SP140: variants seen among roughly 807,000 people sequenced by gnomAD.
SP140 encodes nuclear body protein SP140.
In SP140, 81 loss-of-function variants were observed where a neutral mutation model predicts 125.0. That is an observed-to-expected ratio of 0.65 (90% CI 0.54 to 0.78). SP140 has a LOEUF of 0.78. Ranked by LOEUF, SP140 falls within the 30% of genes least tolerant of loss-of-function variation. The pLI is 0.00. For missense variants in SP140, 858 were observed against 1,037.0 expected (o/e 0.83, Z 2.37); for synonymous variants, 312 against 354.0 (o/e 0.88, Z 1.33).
At chr2:230,232,128 T>C (rs1387376002) in intron 1 of SP140, among the ~76,000 whole-genome samples, 1 of 152,232 alleles carries the variant, frequency 6.6e-6, no homozygotes, top group Non-Finnish European at 1.5e-5. Flanking sequence ...TCATGGAGAA[T>C]GCTTTGGCTT....
At chr2:230,293,523 A>T (rs2057360724) in intron 20 of SP140, among the ~76,000 whole-genome samples, 1 of 151,994 alleles carries the variant, frequency 6.6e-6, no homozygotes, top group African/African-American at 2.4e-5. Flanking sequence ...TTTTAGTAGA[A>T]ATGGGGTTTT....
chr2:230,198,176 T>C (rs576581429), upstream of SP140, among the ~76,000 whole-genome samples: 2 of 152,250 alleles, frequency 1.3e-5, no homozygotes, highest in Non-Finnish European at 2.9e-5. Flanking sequence ...TGGTAGGTCA[T>C]GCTGCTTTGG....
intron 26 of SP140, among the ~76,000 whole-genome samples, chr2:230,312,378 T>C (rs2059398848): frequency 6.6e-6 from 1 of 152,250 alleles, no homozygotes; most frequent in Non-Finnish European, 1.5e-5. Context: ...TTTGAGGTGA[T>C]GAATATGTTA....
intron 1 of SP140, among the ~76,000 whole-genome samples, chr2:230,208,597 CTGAT>C (rs1314015166): frequency 6.6e-6 from 1 of 152,068 alleles, no homozygotes; most frequent in Non-Finnish European, 1.5e-5. Flanking sequence ...GGGAAAGTCA[CTGAT>C]TGAGCAAAAA....
At chr2:230,234,611 A>G (rs1444705374) in intron 1 of SP140, among the ~76,000 whole-genome samples, 1 of 152,146 alleles carries the variant, frequency 6.6e-6, no homozygotes, top group Non-Finnish European at 1.5e-5. Context: ...ATAGGTTTGC[A>G]TCATTGCTTT....
At chr2:230,238,491 A>G in intron 3 of SP140, 110 bp downstream of exon 3, 1 of 1,066,436 alleles carries the variant, frequency 9.4e-7, no homozygotes. Context: ...TGACTATTAC[A>G]TGCCAAGCCC....
At chr2:230,232,272 G>T (rs2047370547) in intron 1 of SP140, among the ~76,000 whole-genome samples, 1 of 152,190 alleles carries the variant, frequency 6.6e-6, no homozygotes, top group Admixed American at 6.5e-5. Flanking sequence ...TCATGCTCAT[G>T]CTCCTCCACA....
intron 3 of SP140, among the ~76,000 whole-genome samples, chr2:230,216,250 C>A (rs2045162980): frequency 6.6e-6 from 1 of 152,122 alleles, no homozygotes; most frequent in Non-Finnish European, 1.5e-5. Flanking sequence ...AGTGTCTTTG[C>A]AGTTGTAATT....
At chr2:230,197,305 A>AT in the SP140 span, among the ~76,000 whole-genome samples, 4 of 150,066 alleles carry the variant, frequency 2.7e-5, no homozygotes, top group African/African-American at 7.4e-5. Context: ...GATGATGAGC[A>AT]TTTTTTCATG....
At chr2:230,231,647 G>A (rs913034453) in intron 1 of SP140, among the ~76,000 whole-genome samples, 5 of 152,104 alleles carry the variant, frequency 3.3e-5, no homozygotes, top group South Asian at 2.1e-4. Flanking sequence ...ATTACATCTC[G>A]ATCTTTTAAT....
At position 230,269,835 on chromosome 2, in the gene SP140, A is replaced by G; in HGVS notation, c.1328-2A>G. 1.2e-6 allele frequency: 2 copies of G among 1,612,254 alleles called. No individual in the cohort carries two copies. Among genetic ancestry groups the G allele is most frequent in the Non-Finnish European group, 1.7e-6 (2 of 1,178,366 alleles). ...TCTTCATGAATCACAATTTTGGCCC[A>G]GGAGCGGAGCAATCAGCATATGAAA... is the stretch of plus-strand genomic sequence containing the variant. On this transcript the variant is annotated splice_acceptor_variant, in intron 13 of 26. Coordinates refer to ENST00000392045, the MANE Select transcript of SP140 (RefSeq NM_007237.5). LOFTEE classifies it high-confidence loss of function.
intron 17 of SP140, among the ~76,000 whole-genome samples, chr2:230,286,448 A>G (rs557777314): frequency 1.3e-5 from 2 of 152,124 alleles, no homozygotes; most frequent in Non-Finnish European, 2.9e-5. Flanking sequence ...CCCATCCAGG[A>G]TTGGGGAGGT....
Position 230,309,688 on chromosome 2 carries a change from T to C in SP140, c.2059-236T>C, listed in dbSNP as rs150584973. Among the ~76,000 whole-genome samples, 1,032 of 152,360 alleles carry C rather than the reference T, an allele frequency of 6.8e-3. 5 individuals are homozygous for C. Among genetic ancestry groups the C allele is most frequent in the Non-Finnish European group, 0.011 (777 of 68,032 alleles). On this transcript the variant is annotated intron_variant, in intron 22 of 26. Coordinates refer to ENST00000392045, the MANE Select transcript of SP140 (RefSeq NM_007237.5). ...TTGCTAGTCTTTCTTCATTACAATC[T>C]CTGGTTTCATAAGGAAGACTTTTCA... is the stretch of plus-strand genomic sequence containing the variant.
chr2:230,241,287 G>A lies in SP140; in HGVS notation c.407-117G>A, dbSNP rs184876871. 3.2e-4 allele frequency: 222 copies of A among 703,098 alleles called. 1 individual carries two copies. The African/African-American group carries it at 3.7e-3, about 12-fold the overall frequency. The allele number at this position is 703,098 out of a possible 1,614,324, so 43.6% of individuals were successfully genotyped here. A position where few individuals can be genotyped will look rare whatever the true frequency, so the allele number is the denominator to read the frequency against. On this transcript the variant is annotated intron_variant, in intron 3 of 26. Coordinates refer to ENST00000392045, the MANE Select transcript of SP140 (RefSeq NM_007237.5). ...ATGAAAAAAAGGGGAACAAGGCTCT[G>A]TTGGACCTCGGGGGTGGGAGATCCT...
At chr2:230,314,819 G>A (rs1215529879), downstream of SP140, among the ~76,000 whole-genome samples, 2 of 152,248 alleles carry the variant, frequency 1.3e-5, no homozygotes, top group Non-Finnish European at 2.9e-5. Flanking sequence ...ACATCCTTGA[G>A]AAGCTCAATG....
chr2:230,284,465 C>T, intron 16 of SP140, 54 bp downstream of exon 16: 1 of 1,477,720 alleles, frequency 6.8e-7, no homozygotes, highest in Non-Finnish European at 9.2e-7. Context: ...GGGCACTGTC[C>T]ATTGTATTCT....
chr2:230,238,091 T>C, intron 2 of SP140, 122 bp from the exon 3 acceptor site: 1 of 656,962 alleles, frequency 1.5e-6, no homozygotes, highest in Non-Finnish European at 2.6e-6. Context: ...ATTTAAGAAG[T>C]CATCCAAATA....
At chr2:230,255,948 A>C (rs1009248364) in intron 12 of SP140, among the ~76,000 whole-genome samples, 2 of 152,244 alleles carry the variant, frequency 1.3e-5, no homozygotes, top group African/African-American at 4.8e-5. Context: ...ATAGGTGAAG[A>C]AATAAAGGTC....
chr2:230,280,498 G>A (rs900537068), intron 15 of SP140, among the ~76,000 whole-genome samples: 6 of 152,098 alleles, frequency 3.9e-5, no homozygotes, highest in African/African-American at 1.4e-4. Context: ...GTTTCCAGAT[G>A]TATACGGACC....
Sources: gnomAD v4.1 joint callset for allele counts (sites outside exome capture counted in the v4.1 genomes callset) on GRCh38, gnomAD v4.1.1 for gene constraint, MANE v1.5 for transcripts, NCBI Gene and HGNC (gene_info 2026-07-23, HGNC 2026-07-21) for gene names.